Variants in POU2AF3 observed in about 807,000 individuals in gnomAD.
POU2AF3 encodes cancer susceptibility candidate 13.
the POU2AF3 span, chr11:111,298,828 C>CGGGGGGGG: frequency 2.2e-5 from 9 of 411,066 alleles, no homozygotes; most frequent in Non-Finnish European, 3.7e-5. Flanking sequence ...TACCCCAGGC[C>CGGGGGGGG]CCCGCCCGCC....
chr11:111,300,716 C>T, the POU2AF3 span: 2 of 542,644 alleles, frequency 3.7e-6, no homozygotes, highest in Non-Finnish European at 5.5e-6. Flanking sequence ...GCCCCACGCA[C>T]TCACCATTCC....
the POU2AF3 span, chr11:111,306,263 C>T: frequency 1.7e-5 from 8 of 460,056 alleles, no homozygotes; most frequent in South Asian, 6.7e-5. Context: ...ATTGCATTCC[C>T]GTTTACTTTT....
At chr11:111,303,893 A>T in the POU2AF3 span, among the ~76,000 whole-genome samples, 44 of 81,080 alleles carry the variant, frequency 5.4e-4, no homozygotes, top group African/African-American at 1.4e-3. Context: ...CCTGAAATTT[A>T]AAAAAAAAAA....
the POU2AF3 span, chr11:111,306,305 C>T: frequency 3.0e-6 from 2 of 669,726 alleles, no homozygotes; most frequent in South Asian, 6.2e-5. Context: ...TCCCCCTAGA[C>T]ATAGTAAATA....
the POU2AF3 span, among the ~76,000 whole-genome samples, chr11:111,306,909 A>T: frequency 1.3e-5 from 2 of 152,220 alleles, no homozygotes; most frequent in African/African-American, 4.8e-5. Context: ...GGCAATATTC[A>T]TTTAATGTTT....
chr11:111,303,104 G>C, the POU2AF3 span, among the ~76,000 whole-genome samples: 1 of 152,228 alleles, frequency 6.6e-6, no homozygotes, highest in Non-Finnish European at 1.5e-5. Flanking sequence ...ACGAATGGAA[G>C]TTATAGGTTG....
chr11:111,299,822 A>C, the POU2AF3 span: 8 of 874,650 alleles, frequency 9.1e-6, no homozygotes, highest in African/African-American at 1.7e-5. Flanking sequence ...GGGACGAGGG[A>C]GAGCGGGCAG....
At chr11:111,299,466 G>T in the POU2AF3 span, 1 of 1,085,278 alleles carries the variant, frequency 9.2e-7, no homozygotes, top group African/African-American at 1.6e-5. Context: ...TCGGGGCCCG[G>T]GGCTGAGGCT....
the POU2AF3 span, chr11:111,298,762 G>C: frequency 1.8e-6 from 2 of 1,132,648 alleles, no homozygotes; most frequent in Non-Finnish European, 2.2e-6. Context: ...CCCACTCAGC[G>C]CCTGTCCCGG....
the POU2AF3 span, chr11:111,306,742 A>G: frequency 1.0e-5 from 8 of 764,244 alleles, no homozygotes; most frequent in Non-Finnish European, 1.7e-5. Context: ...GAAATCATCC[A>G]AGGAAACAAG....
At chr11:111,308,545 T>C in the POU2AF3 span, 62 of 1,191,640 alleles carry the variant, frequency 5.2e-5, 1 homozygote, top group South Asian at 1.0e-3. Flanking sequence ...CCAAGCACAG[T>C]TTACATGTCA....
At chr11:111,307,113 G>C in the POU2AF3 span, among the ~76,000 whole-genome samples, 2 of 152,016 alleles carry the variant, frequency 1.3e-5, no homozygotes, top group South Asian at 4.2e-4. Context: ...CTGATAGTTT[G>C]AGTCTGCTAT....
chr11:111,308,654 G>T, the POU2AF3 span: 1 of 393,450 alleles, frequency 2.5e-6, no homozygotes, highest in Non-Finnish European at 4.4e-6. Context: ...AATTTTTGTA[G>T]GAAACTTTCA....
chr11:111,298,585 T>C, the POU2AF3 span: 1 of 1,246,610 alleles, frequency 8.0e-7, no homozygotes, highest in Non-Finnish European at 1.0e-6. Context: ...GACCACGATG[T>C]CGGGTAACTC....
At chr11:111,305,752 C>T in the POU2AF3 span, among the ~76,000 whole-genome samples, 1 of 152,158 alleles carries the variant, frequency 6.6e-6, no homozygotes, top group Non-Finnish European at 1.5e-5. Flanking sequence ...TGATGTTTAA[C>T]AACTTACTTT....
the POU2AF3 span, chr11:111,300,521 C>G: frequency 2.4e-6 from 3 of 1,228,902 alleles, no homozygotes. Context: ...AGTTGCCTTT[C>G]TCCAGAAAAA....
chr11:111,303,508 A>T, the POU2AF3 span, among the ~76,000 whole-genome samples: 1 of 152,156 alleles, frequency 6.6e-6, no homozygotes, highest in South Asian at 2.1e-4. Context: ...TTGTAAACAC[A>T]CCTCAGGGAG....
At chr11:111,300,078 A>C in the POU2AF3 span, 1 of 393,104 alleles carries the variant, frequency 2.5e-6, no homozygotes, top group Non-Finnish European at 4.5e-6. Flanking sequence ...GGGGTGGGCT[A>C]CGTCAGCCGC....
chr11:111,302,942 C>T, the POU2AF3 span, among the ~76,000 whole-genome samples: 13 of 152,260 alleles, frequency 8.5e-5, no homozygotes, highest in African/African-American at 3.1e-4. Context: ...AGATGATCCC[C>T]AGTTTGTTCA....
Sources: gnomAD v4.1 joint callset for allele counts (sites outside exome capture counted in the v4.1 genomes callset) on GRCh38, gnomAD v4.1.1 for gene constraint, MANE v1.5 for transcripts, NCBI Gene and HGNC (gene_info 2026-07-23, HGNC 2026-07-21) for gene names.